The following GTPBP1 variants were observed in gnomAD, a reference collection of about 807,000 sequenced individuals.
The protein encoded by GTPBP1 is GTP-binding protein 1.
In GTPBP1, 23 loss-of-function variants were observed where a neutral mutation model predicts 62.0. That is an observed-to-expected ratio of 0.37 (90% confidence interval 0.27 to 0.53). The LOEUF (loss-of-function observed/expected upper bound fraction) is 0.53, where lower values mean the gene tolerates loss of function less well. GTPBP1 is among the 20% of genes least tolerant of loss of function. The pLI is 0.89. For synonymous variants in GTPBP1, 344 were observed against 364.4 expected (o/e 0.94, Z 0.64); for missense variants, 640 against 917.3 (o/e 0.70, Z 3.90).
chr22:38,738,743 G>A, downstream of GTPBP1: 1 of 1,613,474 alleles, frequency 6.2e-7, no homozygotes, highest in Non-Finnish European at 8.5e-7. The surrounding 1 kb of genome is among the most constrained non-coding windows in gnomAD (Gnocchi z 6.6). Context: ...AGTTGCCTGG[G>A]TGCACATCTG....
chr22:38,723,144 C>T, intron 5 of GTPBP1: 1 of 804,240 alleles, frequency 1.2e-6, no homozygotes, highest in Non-Finnish European at 2.2e-6. Context: ...TCATGAAATT[C>T]CTTAGCTTTG....
At position 38,716,585 on chromosome 22, in the gene GTPBP1, A is replaced by T; in HGVS notation, c.486-67A>T. 1 of 1,168,192 alleles carries T rather than the reference A, an allele frequency of 8.6e-7. No individual in the cohort carries two copies. Among genetic ancestry groups the T allele is most frequent in the Non-Finnish European group, 1.2e-6 (1 of 806,732 alleles). 72.4% of individuals were successfully genotyped at this position (1,168,192 alleles called of 1,614,324 possible). ...ACTTGCGGATCCAATTACTGGGGTT[A>T]TGATGGTCGCTCCACCTCACTCATT... On this transcript the variant is annotated intron_variant, in intron 3 of 11. Transcript: ENST00000216044. The surrounding 1 kb of genome is among the most constrained non-coding windows in gnomAD (Gnocchi z 5.2).
rs761281921 is a variant in GTPBP1, at chr22:38,715,954, G to A, written c.352G>A (p.Ala118Thr). ...TGAAGCTGACATGGAGGCCTCCTAC[G>A]CCACAGTGAAGAGCATGGCGGAACA... is the stretch of plus-strand genomic sequence containing the variant. ...LSEADMEASY[A>T]TVKSMAEQIE... The change falls in exon 3 of 12, where the codon GCC (alanine) becomes ACC (threonine). Residue 118 changes from alanine (A) to threonine (T), a missense_variant. Transcript: ENST00000216044. 21 of 1,613,880 alleles carry A rather than the reference G, an allele frequency of 1.3e-5. No individual in the cohort carries two copies. Among genetic ancestry groups the A allele is most frequent in the African/African-American group, 2.7e-5 (2 of 74,878 alleles).
downstream of GTPBP1, chr22:38,739,819 G>A: frequency 6.2e-7 from 1 of 1,613,624 alleles, no homozygotes; most frequent in South Asian, 1.1e-5. The surrounding 1 kb of genome is among the most constrained non-coding windows in gnomAD (Gnocchi z 6.7). Flanking sequence ...TGCCACATGG[G>A]TGAGGATCTT....
downstream of GTPBP1, chr22:38,741,382 T>A: frequency 8.9e-7 from 1 of 1,123,192 alleles, no homozygotes; most frequent in Non-Finnish European, 1.3e-6. Context: ...GGCACTCCCC[T>A]CCCCATGCAA....
At chr22:38,713,751 G>A (rs554431497) in intron 2 of GTPBP1, among the ~76,000 whole-genome samples, 56 of 152,194 alleles carry the variant, frequency 3.7e-4, no homozygotes, top group Non-Finnish European at 6.8e-4. Context: ...TAAGATTACA[G>A]TGAGAAATAA....
downstream of GTPBP1, chr22:38,734,207 T>C: frequency 2.5e-6 from 1 of 401,092 alleles, no homozygotes; most frequent in Non-Finnish European, 5.0e-6. Flanking sequence ...GGCTCCAGGA[T>C]CAGGCTAGAG....
intron 4 of GTPBP1, 76 bp downstream of exon 4, chr22:38,717,076 G>C: frequency 2.2e-6 from 2 of 894,570 alleles, no homozygotes; most frequent in Admixed American, 4.1e-5. Flanking sequence ...GTCTGAAACT[G>C]TTCTGAGACT....
In GTPBP1 at chr22:38,732,558, G is replaced by C. The variant is rs920720686; in HGVS notation, c.*1854G>C. On this transcript the variant is annotated 3_prime_UTR_variant, in exon 12 of 12. Transcript: ENST00000216044. ...CAAGGGAAAGGCTTGCTCAGTGAGC[G>C]GTCTGCACACCGTTAGCCACCCTGC... 9 of 152,304 alleles carry C rather than the reference G, an allele frequency of 5.9e-5. No individual in the cohort carries two copies. The highest frequency in any genetic ancestry group is 8.8e-5 in the Non-Finnish European group (6 of 68,094). The allele number at this position is 152,304 out of a possible 1,614,324, so 9.4% of individuals were successfully genotyped here. A position where few individuals can be genotyped will look rare whatever the true frequency, so the allele number is the denominator to read the frequency against.
chr22:38,711,506 G>T (rs1343961311), intron 2 of GTPBP1, among the ~76,000 whole-genome samples: 3 of 152,134 alleles, frequency 2.0e-5, no homozygotes, highest in African/African-American at 4.8e-5. Context: ...ATTAGTAGTT[G>T]CAGTAATAAT....
chr22:38,729,970 A>G (rs1569286554), intron 11 of GTPBP1, among the ~76,000 whole-genome samples: 15 of 152,246 alleles, frequency 9.9e-5, no homozygotes. Flanking sequence ...AAGTATTGCA[A>G]GTATTGCTGG....
chr22:38,741,000 C>G, downstream of GTPBP1: 1 of 1,590,852 alleles, frequency 6.3e-7, no homozygotes, highest in Non-Finnish European at 8.6e-7. The surrounding 1 kb of genome is among the most constrained non-coding windows in gnomAD (Gnocchi z 4.8). Flanking sequence ...CTGGTGGCGC[C>G]CAGTACCTTT....
rs761834756 is a variant in GTPBP1, at chr22:38,716,862, C to T, written c.696C>T (p.Gly232=). Residue 232 remains glycine, a synonymous_variant, in exon 4 of 12, where the codon GGC becomes GGT. Transcript: ENST00000216044. This position sits in a 1 kb window ranked among gnomAD's most constrained non-coding sequence, Gnocchi z 5.2. ...GNVVNKPDSH[G]GSLEWTKICE... is the part of the protein sequence containing the mutation. Reference sequence around the variant, plus strand: ...TAGTGAACAAGCCTGACAGCCACGGCGGCAGCCTGGAGTGGACCAAGATCT... The same window carrying T: ...TAGTGAACAAGCCTGACAGCCACGGTGGCAGCCTGGAGTGGACCAAGATCT... The T allele has an allele frequency of 2.3e-5, 37 of 1,613,852 alleles. No individual in the cohort carries two copies. The highest frequency in any genetic ancestry group is 2.6e-5 in the Non-Finnish European group (31 of 1,179,840).
At chr22:38,740,564 G>C, downstream of GTPBP1, 1 of 996,450 alleles carries the variant, frequency 1.0e-6, no homozygotes, top group Non-Finnish European at 1.4e-6. The surrounding 1 kb of genome is among the most constrained non-coding windows in gnomAD (Gnocchi z 4.8). Context: ...GTGAACCTGA[G>C]AAGGGGCAAG....
chr22:38,710,646 TAGG>T (rs1032907154), intron 2 of GTPBP1, among the ~76,000 whole-genome samples: 5 of 152,140 alleles, frequency 3.3e-5, no homozygotes, highest in Admixed American at 1.3e-4. Flanking sequence ...ATTTGTTGAC[TAGG>T]AGATCATTGG....
downstream of GTPBP1, chr22:38,734,632 CT>C: frequency 4.7e-6 from 1 of 213,962 alleles, no homozygotes; most frequent in East Asian, 1.7e-4. Flanking sequence ...AGGAATAAGT[CT>C]TTGGGGACAT....
chr22:38,736,348 C>T, downstream of GTPBP1: 1 of 1,613,980 alleles, frequency 6.2e-7, no homozygotes, highest in Non-Finnish European at 8.5e-7. Context: ...GGATCCGCAG[C>T]TCCACCACCT....
At chr22:38,736,191 G>A, downstream of GTPBP1, 2 of 1,382,470 alleles carry the variant, frequency 1.4e-6, no homozygotes, top group Non-Finnish European at 2.1e-6. Flanking sequence ...AGAGCGCCGA[G>A]CAAGCGTGTG....
Position 38,730,547 on chromosome 22 carries a change from A to C in GTPBP1, c.1918-65A>C. 9.2e-7 allele frequency: 1 copy of C among 1,092,864 alleles called. No individual in the cohort carries two copies. The highest frequency in any genetic ancestry group is 1.4e-6 in the Non-Finnish European group (1 of 718,186). 67.7% of individuals were successfully genotyped at this position (1,092,864 alleles called of 1,614,324 possible). A position where few individuals can be genotyped will look rare whatever the true frequency, so the allele number is the denominator to read the frequency against. ...CGTCCCTGTCTCCCCGCTGCTCAGC[A>C]CCTCTGCTCTCTGGCCCTGCTCCTG... On this transcript the variant is annotated intron_variant, in intron 11 of 11. Transcript: ENST00000216044. This position sits in a 1 kb window ranked among gnomAD's most constrained non-coding sequence, Gnocchi z 5.6.
Sources: gnomAD v4.1 joint callset for allele counts (sites outside exome capture counted in the v4.1 genomes callset) on GRCh38, gnomAD v4.1.1 for gene constraint, Gnocchi (gnomAD v3.1) non-coding constraint, MANE v1.5 for transcripts, NCBI Gene and HGNC (gene_info 2026-07-23, HGNC 2026-07-21) for gene names.